FMN2: variants seen among roughly 807,000 people sequenced by gnomAD.
FMN2 encodes the protein formin 2.
A neutral mutation model predicts 142.3 loss-of-function variants in FMN2; 51 were observed. The ratio of observed to expected loss-of-function variants is 0.36; its 90% CI spans 0.29 to 0.45. The LOEUF (loss-of-function observed/expected upper bound fraction) is 0.45, where lower values mean the gene tolerates loss of function less well. Among genes scored for constraint, FMN2 ranks in the 20% least tolerant of loss-of-function variants. The pLI is 1.00. For synonymous variants in FMN2, 882 were observed against 869.8 expected (o/e 1.01, Z -0.25); for missense variants, 1,936 against 2,122.8 (o/e 0.91, Z 1.73).
chr1:240,139,581 TA>T (rs1663092937), intron 2 of FMN2, among the ~76,000 whole-genome samples: 1 of 152,168 alleles, frequency 6.6e-6, no homozygotes. Context: ...AAAAACAAGA[TA>T]TTTTTTAAAA....
rs933683448 is a variant in FMN2, at chr1:240,329,603, G to A, written c.4437+135G>A. The A allele has an allele frequency of 2.7e-5, 32 of 1,194,508 alleles. 1 individual carries two copies. Among genetic ancestry groups the A allele is most frequent in the South Asian group, 1.4e-4 (9 of 64,922 alleles). The allele number at this position is 1,194,508 out of a possible 1,614,324, so 74.0% of individuals were successfully genotyped here. Reference sequence around the variant, plus strand: ...TGAAGGATCGCAGTCCCACAGAAGGGAACATTTTATGATTGACCTTCAAGA... The same window carrying A: ...TGAAGGATCGCAGTCCCACAGAAGGAAACATTTTATGATTGACCTTCAAGA... On this transcript the variant is annotated intron_variant, in intron 10 of 17. Coordinates refer to ENST00000319653, the MANE Select transcript of FMN2 (RefSeq NM_020066.5).
intron 1 of FMN2, among the ~76,000 whole-genome samples, chr1:240,115,133 A>G (rs1661972637): frequency 6.6e-6 from 1 of 151,800 alleles, no homozygotes; most frequent in Non-Finnish European, 1.5e-5. Context: ...CTGATGTTTT[A>G]TTTTTCTGGT....
At chr1:240,145,608 T>C (rs1053865565) in intron 2 of FMN2, among the ~76,000 whole-genome samples, 13 of 145,512 alleles carry the variant, frequency 8.9e-5, no homozygotes, top group Non-Finnish European at 1.8e-4. Flanking sequence ...ATGGTGCAAT[T>C]ATATGACACT....
At chr1:240,464,489 G>A (rs567433778) in intron 16 of FMN2, among the ~76,000 whole-genome samples, 3 of 152,116 alleles carry the variant, frequency 2.0e-5, no homozygotes, top group African/African-American at 7.2e-5. Flanking sequence ...GAATATCTGT[G>A]CATTAATTTT....
At chr1:240,248,942 C>T (rs1041019807) in intron 6 of FMN2, among the ~76,000 whole-genome samples, 3 of 151,828 alleles carry the variant, frequency 2.0e-5, no homozygotes, top group Non-Finnish European at 4.4e-5. Context: ...TATTTACTTA[C>T]TTATTCATTT....
At chr1:240,256,584 CAAAA>C (rs34087707) in intron 6 of FMN2, among the ~76,000 whole-genome samples, 12 of 111,420 alleles carry the variant, frequency 1.1e-4, no homozygotes, top group African/African-American at 3.2e-4. Context: ...ACTAAAAATA[CAAAA>C]AAAAAAAAAA....
At chr1:240,351,067 A>T (rs558062702) in intron 13 of FMN2, among the ~76,000 whole-genome samples, 19 of 152,330 alleles carry the variant, frequency 1.2e-4, no homozygotes, top group African/African-American at 4.3e-4. Flanking sequence ...AGGAGATGAG[A>T]GTAGAGAAGA....
In FMN2 at chr1:240,475,047, C is replaced by G. The variant is rs1051418304; in HGVS notation, c.*893C>G. ...TCAGTCCCTCCAGTGTGTATATTAC[C>G]ATTCTCCAATGAAATAATAGGGCAT... is the stretch of plus-strand genomic sequence containing the variant. On this transcript the variant is annotated 3_prime_UTR_variant, in exon 18 of 18. Transcript: ENST00000319653. 4 of 152,392 alleles carry G rather than the reference C, an allele frequency of 2.6e-5. No homozygotes were observed. Among genetic ancestry groups the G allele is most frequent in the African/African-American group, 9.7e-5 (4 of 41,348 alleles). 9.4% of individuals were successfully genotyped at this position (152,392 alleles called of 1,614,324 possible). A position where few individuals can be genotyped will look rare whatever the true frequency, so the allele number is the denominator to read the frequency against.
At chr1:240,416,364 G>A (rs1310093927) in intron 15 of FMN2, among the ~76,000 whole-genome samples, 3 of 150,862 alleles carry the variant, frequency 2.0e-5, no homozygotes, top group South Asian at 2.1e-4. Context: ...GGGTTCAAGC[G>A]ATTCTCGTGC....
chr1:240,387,269 G>A (rs1255869114), intron 14 of FMN2, among the ~76,000 whole-genome samples: 2 of 151,976 alleles, frequency 1.3e-5, no homozygotes, highest in Admixed American at 6.6e-5. Flanking sequence ...ACTCTATCTC[G>A]GAACATTTTC....
chr1:240,302,980 A>G (rs1220715677), intron 8 of FMN2, among the ~76,000 whole-genome samples: 1 of 152,036 alleles, frequency 6.6e-6, no homozygotes, highest in Non-Finnish European at 1.5e-5. Flanking sequence ...TTATACAATA[A>G]TATAGAAAGA....
chr1:240,206,673 C>A (rs1666362129), intron 4 of FMN2, 126 bp from the exon 5 acceptor site: 2 of 1,144,034 alleles, frequency 1.7e-6, no homozygotes, highest in East Asian at 2.6e-5. Context: ...AATATTAATA[C>A]CATCTTTCTG....
chr1:240,457,071 G>A (rs12403346), intron 16 of FMN2, among the ~76,000 whole-genome samples: 113,136 of 151,606 alleles, frequency 0.75, 42,389 homozygotes, highest in Middle Eastern at 0.82. Flanking sequence ...GTTCAGCTAT[G>A]CCAGCACTGG....
intron 7 of FMN2, among the ~76,000 whole-genome samples, chr1:240,258,288 A>G: frequency 6.6e-6 from 1 of 152,166 alleles, no homozygotes; most frequent in East Asian, 1.9e-4. Context: ...AGGCTACTAT[A>G]ACCAAGTACC....
At chr1:240,245,356 C>A (rs1668041655) in intron 6 of FMN2, 2 of 389,092 alleles carry the variant, frequency 5.1e-6, no homozygotes, top group Non-Finnish European at 1.0e-5. Context: ...CCCGTACTCT[C>A]TGGGAGGAAG....
At chr1:240,142,970 GT>G in intron 2 of FMN2, 1 of 1,588,404 alleles carries the variant, frequency 6.3e-7, no homozygotes, top group South Asian at 1.1e-5. Flanking sequence ...CTAGAATAAT[GT>G]TTCGAACATC....
At chr1:240,451,992 C>G (rs969776211) in intron 16 of FMN2, among the ~76,000 whole-genome samples, 3 of 151,874 alleles carry the variant, frequency 2.0e-5, no homozygotes, top group Admixed American at 6.6e-5. Context: ...GAGATCGAGA[C>G]CATCCTGGCT....
At chr1:240,321,005 T>G (rs545256488) in intron 8 of FMN2, among the ~76,000 whole-genome samples, 1 of 152,336 alleles carries the variant, frequency 6.6e-6, no homozygotes, top group Non-Finnish European at 1.5e-5. Context: ...AAAAATGATC[T>G]ATTCTATTAA....
intron 4 of FMN2, among the ~76,000 whole-genome samples, chr1:240,193,873 C>G (rs1034658355): frequency 6.6e-6 from 1 of 152,198 alleles, no homozygotes; most frequent in Non-Finnish European, 1.5e-5. Flanking sequence ...TGCTTAGACT[C>G]ATCCAGTGAC....
Sources: gnomAD v4.1 joint callset for allele counts (sites outside exome capture counted in the v4.1 genomes callset) on GRCh38, gnomAD v4.1.1 for gene constraint, MANE v1.5 for transcripts, NCBI Gene and HGNC (gene_info 2026-07-23, HGNC 2026-07-21) for gene names.